Variants in SUPT20H observed in about 807,000 individuals in gnomAD.
SUPT20H encodes the protein transcription factor SPT20 homolog.
SUPT20H carries 82 observed loss-of-function variants against 122.8 expected under a neutral mutation model. The observed-to-expected ratio is 0.67, with a 90% CI of 0.56 to 0.80. The LOEUF (loss-of-function observed/expected upper bound fraction) is 0.80. Ranked by LOEUF, SUPT20H falls within the 30% of genes least tolerant of loss-of-function variation. SUPT20H has a pLI of 0.00. For synonymous variants in SUPT20H, 291 were observed against 313.0 expected (o/e 0.93, Z 0.74); for missense variants, 831 against 921.6 (o/e 0.90, Z 1.27).
chr13:37,035,100 C>T (rs1251247641), intron 9 of SUPT20H, among the ~76,000 whole-genome samples: 1 of 152,222 alleles, frequency 6.6e-6, no homozygotes, highest in Non-Finnish European at 1.5e-5. Flanking sequence ...TAGCTGCCAA[C>T]ACAATATCCA....
chr13:37,015,511 C>A (rs1442953985), intron 23 of SUPT20H, among the ~76,000 whole-genome samples: 1 of 151,552 alleles, frequency 6.6e-6, no homozygotes, highest in Non-Finnish European at 1.5e-5. Flanking sequence ...CCCTAAAGAC[C>A]CAACCACCAC....
intron 9 of SUPT20H, among the ~76,000 whole-genome samples, chr13:37,035,685 C>A (rs1386313563): frequency 6.6e-6 from 1 of 152,104 alleles, no homozygotes; most frequent in Non-Finnish European, 1.5e-5. Context: ...GCAACTGCCA[C>A]CATGCCCAGC....
intron 21 of SUPT20H, among the ~76,000 whole-genome samples, chr13:37,020,482 A>T (rs1359926371): frequency 6.6e-6 from 1 of 152,190 alleles, no homozygotes; most frequent in African/African-American, 2.4e-5. Flanking sequence ...GGAAAAATTT[A>T]GTGACTTCTG....
At chr13:37,041,718 G>A (rs2065505176) in intron 7 of SUPT20H, among the ~76,000 whole-genome samples, 1 of 152,046 alleles carries the variant, frequency 6.6e-6, no homozygotes, top group Non-Finnish European at 1.5e-5. Flanking sequence ...TATTTACTGA[G>A]CAACTACAAT....
At chr13:37,028,447 A>T in intron 13 of SUPT20H, 142 bp from the exon 14 acceptor site, 1 of 787,692 alleles carries the variant, frequency 1.3e-6, no homozygotes, top group Non-Finnish European at 1.9e-6. Context: ...AAGATATTTA[A>T]GTCTGCCTAT....
rs1566170762 is a variant in SUPT20H at position 37,024,085 on chromosome 13, T to C, written c.1541A>G (p.Gln514Arg). 1 of 1,613,500 alleles carries C rather than the reference T, an allele frequency of 6.2e-7. No homozygotes were observed. The highest frequency in any genetic ancestry group is 8.5e-7 in the Non-Finnish European group (1 of 1,179,668). ...IPRKSSVDLN[Q>R]VSMLSPAALS... ...GGCAGCTGGAGAAAGCATGCTAACT[T>C]GATTGAGATCCACAGATGATTTCCG... The change falls in exon 19 of 26, where the codon CAA (glutamine) becomes CGA (arginine). Residue 514 changes from glutamine (Q) to arginine (R), a missense_variant. Gln to Arg is a conservative substitution (Grantham distance 43). Transcript: ENST00000350612.
intron 2 of SUPT20H, 78 bp from the exon 3 acceptor site, chr13:37,048,677 T>A: frequency 3.8e-6 from 5 of 1,317,936 alleles, no homozygotes; most frequent in Admixed American, 2.1e-5. Context: ...ACATTTCTAA[T>A]GTTTTCTAAA....
intron 21 of SUPT20H, 119 bp from the exon 22 acceptor site, chr13:37,019,516 T>A (rs953858937): frequency 1.3e-5 from 7 of 541,016 alleles, no homozygotes; most frequent in Admixed American, 7.4e-5. Flanking sequence ...GATGTGCTTA[T>A]TTTCCATACT....
At chr13:37,021,051 G>C (rs2061397679) in intron 21 of SUPT20H, among the ~76,000 whole-genome samples, 2 of 152,162 alleles carry the variant, frequency 1.3e-5, no homozygotes, top group Non-Finnish European at 2.9e-5. Context: ...CTGTACAACT[G>C]GGATTCAAGC....
intron 7 of SUPT20H, among the ~76,000 whole-genome samples, chr13:37,041,331 C>CG (rs1320104766): frequency 2.8e-4 from 43 of 152,048 alleles, no homozygotes; most frequent in African/African-American, 1.0e-3. Context: ...TCCTGGCTAA[C>CG]ATGGTGAAAC....
At chr13:37,044,228 CT>C in intron 6 of SUPT20H, 47 bp from the exon 7 acceptor site, 2 of 1,475,706 alleles carry the variant, frequency 1.4e-6, no homozygotes, top group Non-Finnish European at 1.9e-6. Flanking sequence ...TCACTGAAAG[CT>C]TAGCTGTATA....
intron 9 of SUPT20H, among the ~76,000 whole-genome samples, chr13:37,036,852 C>G (rs2064532739): frequency 6.6e-6 from 1 of 152,020 alleles, no homozygotes. Context: ...TCTTTTCTTT[C>G]TAACAGTTAA....
intron 6 of SUPT20H, 101 bp downstream of exon 6, chr13:37,045,146 G>A: frequency 6.7e-7 from 1 of 1,499,876 alleles, no homozygotes; most frequent in Non-Finnish European, 9.0e-7. Flanking sequence ...ATCACTATCT[G>A]AAGGACAAAT....
chr13:37,009,538 G>T lies in SUPT20H; in HGVS notation c.*134C>A. The T allele has an allele frequency of 1.8e-6, 2 of 1,106,830 alleles. No homozygotes were observed. Among genetic ancestry groups the T allele is most frequent in the South Asian group, 1.4e-5 (1 of 72,860 alleles). The allele number at this position is 1,106,830 out of a possible 1,614,324, so 68.6% of individuals were successfully genotyped here. A position where few individuals can be genotyped will look rare whatever the true frequency, so the allele number is the denominator to read the frequency against. On this transcript the variant is annotated 3_prime_UTR_variant, in exon 26 of 26. Transcript: ENST00000350612. ...GTTTTTATTTAAAAATGATAAGGTT[G>T]TGCTTCTGTATAAAGTTTGTACATC...
intron 9 of SUPT20H, among the ~76,000 whole-genome samples, chr13:37,037,482 G>A (rs922657474): frequency 2.2e-4 from 34 of 152,198 alleles, no homozygotes; most frequent in Middle Eastern, 3.2e-3. Flanking sequence ...TGTAGAGCAC[G>A]GAATGGTCAG....
chr13:37,028,438 A>G, intron 13 of SUPT20H, 133 bp from the exon 14 acceptor site: 1 of 821,568 alleles, frequency 1.2e-6, no homozygotes, highest in Non-Finnish European at 1.8e-6. Context: ...TAGGCTACAA[A>G]GATATTTAAG....
intron 15 of SUPT20H, 105 bp downstream of exon 15, chr13:37,026,685 C>A (rs1043716979): frequency 8.1e-5 from 54 of 663,706 alleles, no homozygotes; most frequent in South Asian, 4.6e-4. Context: ...ACAAAGTATA[C>A]ATATTTATCA....
chr13:37,050,819 A>G (rs2067521741), intron 2 of SUPT20H, among the ~76,000 whole-genome samples: 1 of 152,202 alleles, frequency 6.6e-6, no homozygotes, highest in Non-Finnish European at 1.5e-5. Flanking sequence ...ATAGGCAAGA[A>G]CCAAGAGGAG....
intron 1 of SUPT20H, among the ~76,000 whole-genome samples, chr13:37,057,396 C>T (rs1269251978): frequency 6.6e-6 from 1 of 151,944 alleles, no homozygotes; most frequent in East Asian, 1.9e-4. Context: ...CTTCATGTAA[C>T]CACTACTGGG....
Sources: allele counts gnomAD v4.1 joint callset (sites outside exome capture counted in the v4.1 genomes callset), GRCh38; gene constraint gnomAD v4.1.1; transcripts MANE v1.5; gene names NCBI Gene and HGNC (gene_info 2026-07-23, HGNC 2026-07-21).